Variants in ARMC3 observed in about 807,000 individuals in gnomAD.
ARMC3 encodes the protein armadillo repeat-containing protein 3.
Under a neutral mutation model 90.3 loss-of-function variants are expected in ARMC3, and 74 were observed. The observed-to-expected ratio is 0.82, with a 90% confidence interval of 0.68 to 0.99. The LOEUF (loss-of-function observed/expected upper bound fraction) is 0.99, where lower values mean the gene tolerates loss of function less well. ARMC3 is among the 50% of genes least tolerant of loss of function. The pLI, the probability that ARMC3 is intolerant of heterozygous loss-of-function variation, is 0.00. For synonymous variants in ARMC3, 334 were observed against 361.8 expected, an observed-to-expected ratio of 0.92 and a Z score of 0.87; for missense variants, 958 against 1,042.8, an observed-to-expected ratio of 0.92 and a Z score of 1.12.
chr10:23,037,142 C>T, intron 18 of ARMC3, 128 bp from the exon 19 acceptor site: 1 of 815,524 alleles, frequency 1.2e-6, no homozygotes, highest in Non-Finnish European at 1.9e-6. Flanking sequence ...ATCTTTCAGC[C>T]TCCTATCTAA....
At chr10:22,944,389 G>A (rs1301948362) in intron 2 of ARMC3, among the ~76,000 whole-genome samples, 1 of 152,004 alleles carries the variant, frequency 6.6e-6, no homozygotes, top group Non-Finnish European at 1.5e-5. Flanking sequence ...TTCCCCATTT[G>A]CATATCCTCC....
chr10:23,002,320 T>C (rs1344153660), intron 12 of ARMC3, among the ~76,000 whole-genome samples: 1 of 152,238 alleles, frequency 6.6e-6, no homozygotes, highest in Non-Finnish European at 1.5e-5. Context: ...GCTTCTCTTT[T>C]ACTTTCTTCT....
chr10:22,964,401 T>G (rs1835358743), intron 7 of ARMC3, among the ~76,000 whole-genome samples: 1 of 152,118 alleles, frequency 6.6e-6, no homozygotes, highest in Non-Finnish European at 1.5e-5. Context: ...TGATCTGTTT[T>G]ATTCCACAGT....
chr10:22,990,049 C>G (rs1836633775), intron 10 of ARMC3, among the ~76,000 whole-genome samples: 1 of 152,154 alleles, frequency 6.6e-6, no homozygotes, highest in Admixed American at 6.5e-5. Flanking sequence ...ACTTTTATTA[C>G]CTACAGTGCA....
At chr10:23,010,118 C>T (rs1837852302) in intron 16 of ARMC3, among the ~76,000 whole-genome samples, 1 of 151,824 alleles carries the variant, frequency 6.6e-6, no homozygotes, top group Non-Finnish European at 1.5e-5. Context: ...ATAGCTTCTG[C>T]TTGCTCTCTC....
chr10:23,008,219 C>A, intron 14 of ARMC3, 57 bp from the exon 15 acceptor site: 2 of 899,716 alleles, frequency 2.2e-6, no homozygotes, highest in Non-Finnish European at 3.3e-6. Context: ...TGGAATAAAA[C>A]CATCTGTTGA....
chr10:22,937,419 A>AG (rs1195164833), intron 2 of ARMC3, among the ~76,000 whole-genome samples: 5 of 152,272 alleles, frequency 3.3e-5, no homozygotes, highest in Non-Finnish European at 5.9e-5. Context: ...GAAACATGTG[A>AG]GGTCTCTGGG....
At chr10:22,948,195 T>C (rs938370098) in intron 3 of ARMC3, among the ~76,000 whole-genome samples, 1 of 152,188 alleles carries the variant, frequency 6.6e-6, no homozygotes, top group Non-Finnish European at 1.5e-5. Context: ...AGAGTGTTTC[T>C]GGAAGTTACT....
chr10:22,946,205 C>T lies in ARMC3; in HGVS notation c.110C>T (p.Pro37Leu). The T allele has an allele frequency of 2.5e-6, 4 of 1,613,006 alleles. No homozygotes were observed. Among genetic ancestry groups the T allele is most frequent in the Non-Finnish European group, 3.4e-6 (4 of 1,179,558 alleles). The part of the protein sequence containing the change: ...AATVVLMLNS[P>L]EEEILAKACE... ...ACTGTGGTGTTAATGCTTAATTCTC[C>T]AGAAGAGGAAATTTTGGCTAAAGCA... The change falls in exon 3 of 19, where the codon CCA becomes CTA. Residue 37 changes from proline (P) to leucine (L), a missense_variant. Pro to Leu is a moderately conservative substitution (Grantham distance 98, BLOSUM62 -3). Coordinates refer to ENST00000298032, the MANE Select transcript of ARMC3 (RefSeq NM_173081.5).
At chr10:22,969,267 GATTA>G (rs1835579581) in intron 8 of ARMC3, among the ~76,000 whole-genome samples, 7 of 152,284 alleles carry the variant, frequency 4.6e-5, no homozygotes, top group Admixed American at 1.3e-4. Context: ...AAATATGAGA[GATTA>G]ATTACAGCAC....
chr10:23,004,311 A>G (rs7911289), intron 13 of ARMC3, among the ~76,000 whole-genome samples: 31,368 of 152,100 alleles, frequency 0.21, 3,650 homozygotes, highest in African/African-American at 0.31. Flanking sequence ...AAATGTTAAA[A>G]ACCCACAAAT....
At chr10:23,002,448 G>A (rs1588901814) in intron 12 of ARMC3, among the ~76,000 whole-genome samples, 1 of 152,040 alleles carries the variant, frequency 6.6e-6, no homozygotes, top group African/African-American at 2.4e-5. Flanking sequence ...CCAGAATTCC[G>A]CATTTCACCA....
At chr10:23,036,873 C>CCCGCCCCA (rs142434314) in intron 18 of ARMC3, among the ~76,000 whole-genome samples, 3,250 of 152,248 alleles carry the variant, frequency 0.021, 105 homozygotes, top group African/African-American at 0.074. Flanking sequence ...GGAAAGAGCC[C>CCCGCCCCA]CCGCCCCAGG....
chr10:23,010,292 T>C (rs1229849162), intron 16 of ARMC3, among the ~76,000 whole-genome samples: 1 of 137,670 alleles, frequency 7.3e-6, no homozygotes, highest in African/African-American at 2.7e-5. Flanking sequence ...CTCTTTCCCC[T>C]TCCCTTCCCT....
chr10:22,959,847 T>G (rs1835117233), intron 6 of ARMC3: 1 of 521,986 alleles, frequency 1.9e-6, no homozygotes, highest in Admixed American at 2.3e-5. Flanking sequence ...TAAAATGTAC[T>G]TCTTTTGAAA....
intron 3 of ARMC3, among the ~76,000 whole-genome samples, chr10:22,950,070 G>GT (rs138952864): frequency 2.3e-4 from 35 of 151,528 alleles, no homozygotes; most frequent in South Asian, 4.2e-4. Context: ...GTGAAATAAT[G>GT]TTTTTTTTCC....
chr10:22,959,312 G>A (rs878975190), intron 5 of ARMC3, 87 bp from the exon 6 acceptor site: 1 of 1,398,148 alleles, frequency 7.2e-7, no homozygotes, highest in South Asian at 1.4e-5. Flanking sequence ...TACAATTTGT[G>A]GAGCTTTGGT....
rs114207191 is a variant in ARMC3 at position 22,934,410 on chromosome 10, C to A, written c.48+2366C>A. Among the ~76,000 whole-genome samples, 307 of 152,350 alleles carry A rather than the reference C, an allele frequency of 2.0e-3. 2 individuals are homozygous for A. Among genetic ancestry groups the A allele is most frequent in the Middle Eastern group, 0.01 (3 of 294 alleles). On this transcript the variant is annotated intron_variant, in intron 2 of 18. Transcript: ENST00000298032. Reference sequence around the variant, plus strand: ...ACATATGGAAAAGACACGGCTTGATCTACCAATACAACTATATTCTTCCTT... The same window carrying A: ...ACATATGGAAAAGACACGGCTTGATATACCAATACAACTATATTCTTCCTT...
rs1294572922 is a variant in ARMC3, at chr10:23,008,810, A to G, written c.1929-5A>G. ...ATTGGTTGTGGTTTTTTTTCAAATG[A>G]CAAGAAAAAATAGTTATCATTTTAG... On this transcript the variant is annotated splice_region_variant and splice_polypyrimidine_tract_variant and intron_variant, in intron 15 of 18. Coordinates refer to ENST00000298032, the MANE Select transcript of ARMC3 (RefSeq NM_173081.5). 2 of 1,605,668 alleles carry G rather than the reference A, an allele frequency of 1.2e-6. No homozygotes were observed. The highest frequency in any genetic ancestry group is 2.2e-5 in the South Asian group (2 of 89,864).
Sources: gnomAD v4.1 joint callset for allele counts (sites outside exome capture counted in the v4.1 genomes callset) on GRCh38, gnomAD v4.1.1 for gene constraint, MANE v1.5 for transcripts, NCBI Gene and HGNC (gene_info 2026-07-23, HGNC 2026-07-21) for gene names.